The following C10orf90 variants were observed in gnomAD, a reference collection of about 807,000 sequenced individuals.
C10orf90 encodes the protein (E2-independent) E3 ubiquitin-conjugating enzyme FATS.
C10orf90 carries 56 observed loss-of-function variants against 62.5 expected under a neutral mutation model. The ratio of observed to expected loss-of-function variants is 0.90; its 90% CI spans 0.72 to 1.12. The LOEUF is 1.12. Among genes scored for constraint, C10orf90 ranks in the 50% most tolerant of loss-of-function variants. The pLI, the probability that C10orf90 is intolerant of heterozygous loss-of-function variation, is 0.00. For synonymous variants in C10orf90, 386 were observed against 340.4 expected (o/e 1.13, Z -1.47); for missense variants, 970 against 880.4 (o/e 1.10, Z -1.29).
chr10:126,635,373 AG>A (rs1845930165), intron 2 of C10orf90, among the ~76,000 whole-genome samples: 1 of 152,160 alleles, frequency 6.6e-6, no homozygotes, highest in African/African-American at 2.4e-5. Flanking sequence ...CGGGGAGAAG[AG>A]GGGCCAGGAA....
At chr10:126,660,921 A>G (rs117311959) in intron 1 of C10orf90, among the ~76,000 whole-genome samples, 2,388 of 152,280 alleles carry the variant, frequency 0.016, 27 homozygotes, top group Non-Finnish European at 0.025. Context: ...CCTACTGTTA[A>G]CCCTGTGGAC....
chr10:126,516,782 A>C (rs907938329), intron 2 of C10orf90, among the ~76,000 whole-genome samples: 8 of 152,148 alleles, frequency 5.3e-5, no homozygotes, highest in African/African-American at 1.9e-4. Context: ...ACCTGGCCTC[A>C]CTCGGCTAAA....
chr10:126,454,017 A>T (rs1287951869), intron 7 of C10orf90, among the ~76,000 whole-genome samples: 2 of 152,112 alleles, frequency 1.3e-5, no homozygotes, highest in Non-Finnish European at 2.9e-5. Flanking sequence ...CTGGGCCCCC[A>T]GCCTAGAAGG....
chr10:126,485,513 CAA>C (rs1208844402), intron 4 of C10orf90, among the ~76,000 whole-genome samples: 2 of 151,952 alleles, frequency 1.3e-5, no homozygotes, highest in Non-Finnish European at 2.9e-5. Flanking sequence ...TTTAAAAGAG[CAA>C]AAAAGTCCTA....
In C10orf90 at chr10:126,464,852, A is replaced by C. The variant is rs1235333807; in HGVS notation, c.1669T>G (p.Cys557Gly). The stretch of plus-strand genomic sequence containing the variant: ...GGCTCAGAAAGGTCTCTAGACAGAC[A>C]GTCATCGCTTGGAGAGCTATCCCCA... ...PIGDSSPSDD[C>G]LSRDLSEPTE... The change falls in exon 5 of 10, where the codon TGT becomes GGT. Residue 557 changes from cysteine to glycine, a missense_variant. Physicochemically the swap from Cys to Gly is radical, Grantham distance 159 (BLOSUM62 -3). Transcript: ENST00000488181. The C allele has an allele frequency of 1.9e-6, 3 of 1,614,086 alleles. No homozygotes were observed. The Admixed American group carries it at 5.0e-5, about 27-fold the overall frequency.
Position 126,427,291 on chromosome 10 carries a change from G to A in C10orf90, c.2253-1201C>T, listed in dbSNP as rs189630078. Among the ~76,000 whole-genome samples the A allele has an allele frequency of 1.2e-3, 182 of 152,350 alleles. 1 individual carries two copies. Among genetic ancestry groups the A allele is most frequent in the African/African-American group, 4.0e-3 (165 of 41,590 alleles). ...TATAAAGGAGTCAGTTAGAAAGTAG[G>A]CATGTCTCAAAGCTCTGCAGTGGGA... is the stretch of plus-strand genomic sequence containing the variant. On this transcript the variant is annotated intron_variant, in intron 8 of 9. Transcript: ENST00000488181.
intron 2 of C10orf90, among the ~76,000 whole-genome samples, chr10:126,594,218 G>A (rs1377574116): frequency 2.6e-5 from 4 of 151,574 alleles, no homozygotes; most frequent in Non-Finnish European, 4.4e-5. Flanking sequence ...GCTGCAGGAC[G>A]GTATGGCTAG....
rs116872804 is a variant in C10orf90 at position 126,575,450 on chromosome 10, C to A, written c.314-61511G>T. Among the ~76,000 whole-genome samples the A allele has an allele frequency of 5.4e-3, 816 of 151,532 alleles. 3 individuals carry two copies. Among genetic ancestry groups the A allele is most frequent in the Non-Finnish European group, 9.6e-3 (652 of 67,762 alleles). ...AGGATACAAACAAATGGAAAGACAC[C>A]CCATGCTCATGGATCAGAAGAATTA... On this transcript the variant is annotated intron_variant, in intron 2 of 9. Coordinates refer to ENST00000488181, the MANE Select transcript of C10orf90 (RefSeq NM_001350921.2).
intron 1 of C10orf90, among the ~76,000 whole-genome samples, chr10:126,667,652 TGAGGTTTCCC>T (rs1266547495): frequency 2.0e-5 from 3 of 152,128 alleles, no homozygotes; most frequent in African/African-American, 7.2e-5. Flanking sequence ...CTGAATTCTA[TGAGGTTTCCC>T]TTCCCAAGCT....
chr10:126,519,810 T>C (rs1863641661), intron 2 of C10orf90, among the ~76,000 whole-genome samples: 1 of 152,124 alleles, frequency 6.6e-6, no homozygotes, highest in Non-Finnish European at 1.5e-5. Flanking sequence ...TTTTGGGGGT[T>C]TCCTCCTTGA....
At chr10:126,524,163 G>C (rs1335153080) in intron 2 of C10orf90, among the ~76,000 whole-genome samples, 6 of 152,146 alleles carry the variant, frequency 3.9e-5, no homozygotes, top group African/African-American at 1.4e-4. Flanking sequence ...AGAGGTGGGT[G>C]GGGGTGGCAA....
intron 2 of C10orf90, among the ~76,000 whole-genome samples, chr10:126,611,743 T>G (rs1845439350): frequency 6.6e-6 from 1 of 152,214 alleles, no homozygotes; most frequent in Non-Finnish European, 1.5e-5. Context: ...AACTCCTTAT[T>G]GCAGTGGCCA....
intron 2 of C10orf90, among the ~76,000 whole-genome samples, chr10:126,518,772 C>T (rs74158827): frequency 0.018 from 2,784 of 152,240 alleles, 87 homozygotes; most frequent in African/African-American, 0.063. Flanking sequence ...CTGCTGTCTC[C>T]ATCCGCCTGA....
intron 2 of C10orf90, among the ~76,000 whole-genome samples, chr10:126,570,190 T>C (rs920039546): frequency 2.0e-5 from 3 of 152,246 alleles, no homozygotes. Flanking sequence ...TTGATTCCCC[T>C]GCACAGTATG....
intron 2 of C10orf90, among the ~76,000 whole-genome samples, chr10:126,583,200 G>T (rs924659300): frequency 6.6e-6 from 1 of 152,174 alleles, no homozygotes; most frequent in South Asian, 2.1e-4. Flanking sequence ...AGGCCACTTT[G>T]CCAAAACAAA....
chr10:126,441,982 CAAAAACA>C (rs1858357861), intron 7 of C10orf90, among the ~76,000 whole-genome samples: 1 of 151,462 alleles, frequency 6.6e-6, no homozygotes, highest in African/African-American at 2.4e-5. Flanking sequence ...ATTTTAAAAG[CAAAAACA>C]AAAAACAAAA....
At chr10:126,489,900 A>G (rs1861625896) in intron 4 of C10orf90, among the ~76,000 whole-genome samples, 1 of 145,508 alleles carries the variant, frequency 6.9e-6, no homozygotes, top group Non-Finnish European at 1.5e-5. Context: ...TAGCCCTTTA[A>G]TACATATACA....
Position 126,489,110 on chromosome 10 carries a change from A to C in C10orf90, c.1534+14847T>G, listed in dbSNP as rs1446544889. 2.0e-5 allele frequency among the ~76,000 whole-genome samples: 3 copies of C among 152,140 alleles called. No homozygotes were observed. In the East Asian group the frequency reaches 5.8e-4, roughly 29 times the overall value. The stretch of plus-strand genomic sequence containing the variant: ...ATACCAATATTCCTCACAAACATAA[A>C]TAAAAAAAATCCCCCAAAATATTAG... On this transcript the variant is annotated intron_variant, in intron 4 of 9. Transcript: ENST00000488181.
chr10:126,490,953 A>G (rs1861735896), intron 4 of C10orf90, among the ~76,000 whole-genome samples: 1 of 152,160 alleles, frequency 6.6e-6, no homozygotes. Context: ...CAAAAACACT[A>G]CTAAGTGCAT....
Sources: gnomAD v4.1 joint callset for allele counts (sites outside exome capture counted in the v4.1 genomes callset) on GRCh38, gnomAD v4.1.1 for gene constraint, MANE v1.5 for transcripts, NCBI Gene and HGNC (gene_info 2026-07-23, HGNC 2026-07-21) for gene names.